Variants in SLC2A9 observed in about 807,000 individuals in gnomAD.
SLC2A9 encodes solute carrier family 2, facilitated glucose transporter member 9.
SLC2A9 carries 39 observed loss-of-function variants against 50.6 expected under a neutral mutation model. The observed-to-expected ratio is 0.77, with a 90% CI of 0.60 to 1.01. The LOEUF (loss-of-function observed/expected upper bound fraction) is 1.01, where lower values mean the gene tolerates loss of function less well. Among genes scored for constraint, SLC2A9 ranks in the 50% least tolerant of loss-of-function variants. The pLI, the probability that SLC2A9 is intolerant of heterozygous loss-of-function variation, is 0.00. For missense variants in SLC2A9, 686 were observed against 677.6 expected (o/e 1.01, Z -0.14); for synonymous variants, 324 against 276.9 (o/e 1.17, Z -1.69).
intron 10 of SLC2A9, among the ~76,000 whole-genome samples, chr4:9,865,891 C>T (rs2292916): frequency 0.12 from 18,632 of 152,240 alleles, 1,345 homozygotes; most frequent in African/African-American, 0.17. Context: ...AATCTGGCCC[C>T]GGGGCCCATG....
chr4:9,971,141 C>T (rs1753852392), intron 5 of SLC2A9, among the ~76,000 whole-genome samples: 1 of 152,200 alleles, frequency 6.6e-6, no homozygotes, highest in Non-Finnish European at 1.5e-5. Flanking sequence ...AAAGCCCTTC[C>T]TTCTACAATT....
chr4:10,002,931 A>G (rs1232130179), intron 2 of SLC2A9, among the ~76,000 whole-genome samples: 1 of 152,222 alleles, frequency 6.6e-6, no homozygotes, highest in Non-Finnish European at 1.5e-5. Context: ...ACCGTGGTGA[A>G]TACAGCAGCA....
chr4:9,931,980 A>ATG (rs1746193737), intron 6 of SLC2A9, among the ~76,000 whole-genome samples: 2 of 70,160 alleles, frequency 2.9e-5, no homozygotes, highest in Non-Finnish European at 5.2e-5. Context: ...ATATATATAT[A>ATG]TATATATATA....
chr4:9,772,786 C>T (rs1440524761), intron 1 of SLC2A9, among the ~76,000 whole-genome samples: 1 of 151,916 alleles, frequency 6.6e-6, no homozygotes. Context: ...GATATCTCTT[C>T]ATAGTAAGCA....
chr4:9,912,957 G>A (rs955615643), intron 7 of SLC2A9, among the ~76,000 whole-genome samples: 1 of 152,232 alleles, frequency 6.6e-6, no homozygotes, highest in Non-Finnish European at 1.5e-5. Context: ...AGAGGTCAGA[G>A]AGGAAGAAAT....
upstream of SLC2A9, among the ~76,000 whole-genome samples, chr4:10,023,518 G>A (rs1763650934): frequency 6.6e-6 from 1 of 152,198 alleles, no homozygotes; most frequent in African/African-American, 2.4e-5. Context: ...GTTAAAAATT[G>A]CTTCGTAGTC....
intron 10 of SLC2A9, among the ~76,000 whole-genome samples, chr4:9,852,909 G>T (rs1560193950): frequency 6.6e-6 from 1 of 152,224 alleles, no homozygotes; most frequent in Non-Finnish European, 1.5e-5. Flanking sequence ...AAGGCACAGA[G>T]GCCAGGTGTG....
chr4:9,883,687 C>T (rs1467590953), intron 10 of SLC2A9, among the ~76,000 whole-genome samples: 2 of 152,284 alleles, frequency 1.3e-5, no homozygotes, highest in African/African-American at 4.8e-5. Flanking sequence ...CTGGGTTTAA[C>T]CAATCACTTT....
intron 10 of SLC2A9, among the ~76,000 whole-genome samples, chr4:9,860,214 C>T (rs928459366): frequency 6.6e-6 from 1 of 152,186 alleles, no homozygotes; most frequent in Non-Finnish European, 1.5e-5. Flanking sequence ...AATGACTCAA[C>T]TTTTTCAATT....
chr4:9,792,159 G>GTTTT (rs1228816556), intron 3 of SLC2A9, among the ~76,000 whole-genome samples: 58 of 94,626 alleles, frequency 6.1e-4, no homozygotes, highest in African/African-American at 1.7e-3. Context: ...TCTATTCTAT[G>GTTTT]TTTCTTTTTT....
At chr4:9,945,840 G>A (rs1234933307) in intron 5 of SLC2A9, among the ~76,000 whole-genome samples, 2 of 152,222 alleles carry the variant, frequency 1.3e-5, no homozygotes, top group African/African-American at 4.8e-5. Flanking sequence ...CTAGCACACA[G>A]TAGTGGTTCA....
At chr4:9,911,530 G>T (rs1032869863) in intron 7 of SLC2A9, among the ~76,000 whole-genome samples, 51 of 152,170 alleles carry the variant, frequency 3.4e-4, no homozygotes, top group African/African-American at 1.2e-3. Flanking sequence ...GCTTTGTGTT[G>T]ACCTTGTTCA....
intron 7 of SLC2A9, among the ~76,000 whole-genome samples, chr4:9,913,332 A>T (rs6818643): frequency 0.27 from 23,468 of 87,708 alleles, 1,688 homozygotes; most frequent in African/African-American, 0.3. Context: ...TGTGTGTGTG[A>T]GAGAGAGAGA....
At chr4:9,876,335 G>T (rs1734315775) in intron 10 of SLC2A9, among the ~76,000 whole-genome samples, 1 of 152,200 alleles carries the variant, frequency 6.6e-6, no homozygotes, top group Non-Finnish European at 1.5e-5. Flanking sequence ...GTGCATGCTT[G>T]TAATCTCAGC....
intron 3 of SLC2A9, chr4:9,995,525 C>T (rs758547602): frequency 1.3e-5 from 2 of 152,154 alleles, no homozygotes; most frequent in African/African-American, 2.4e-5. Flanking sequence ...CCTTCTTAAT[C>T]GGGTTTCTGT....
chr4:9,782,926 G>C (rs2227844), intron 3 of SLC2A9: 2 of 1,613,948 alleles, frequency 1.2e-6, no homozygotes, highest in East Asian at 4.5e-5. Context: ...AGACCCTGTC[G>C]GTGATCATGG....
intron 6 of SLC2A9, among the ~76,000 whole-genome samples, chr4:9,935,548 G>C (rs1384945865): frequency 6.6e-6 from 1 of 152,194 alleles, no homozygotes; most frequent in Non-Finnish European, 1.5e-5. Context: ...GGTGCAGGTA[G>C]AGAAACACAG....
At chr4:9,808,212 C>T (rs1458604879) in intron 3 of SLC2A9, among the ~76,000 whole-genome samples, 1 of 152,180 alleles carries the variant, frequency 6.6e-6, no homozygotes, top group Non-Finnish European at 1.5e-5. Context: ...CCCTTTTCCA[C>T]TGGCCAGGCC....
At chr4:9,876,411 A>C (rs986174056) in intron 10 of SLC2A9, among the ~76,000 whole-genome samples, 4 of 152,146 alleles carry the variant, frequency 2.6e-5, no homozygotes, top group East Asian at 3.8e-4. Context: ...TGGGAAACAT[A>C]GCAAGACTCT....
Sources: allele counts gnomAD v4.1 joint callset (sites outside exome capture counted in the v4.1 genomes callset), GRCh38; gene constraint gnomAD v4.1.1; transcripts MANE v1.5; gene names NCBI Gene and HGNC (gene_info 2026-07-23, HGNC 2026-07-21).